GRIA1: variants seen among roughly 807,000 people sequenced by gnomAD.
GRIA1 encodes glutamate ionotropic receptor AMPA type subunit 1.
A neutral mutation model predicts 99.2 loss-of-function variants in GRIA1; 31 were observed. The observed-to-expected ratio is 0.31, with a 90% CI of 0.23 to 0.42. GRIA1 has a LOEUF of 0.42. Among genes scored for constraint, GRIA1 ranks in the 10% least tolerant of loss-of-function variants. The probability of loss-of-function intolerance (pLI) is 1.00; values close to 1 mark genes in which losing one functional copy is unlikely to be tolerated. For synonymous variants in GRIA1, 438 were observed against 432.4 expected (o/e 1.01, Z -0.16); for missense variants, 782 against 1,157.5 (o/e 0.68, Z 4.71).
intron 2 of GRIA1, among the ~76,000 whole-genome samples, chr5:153,601,722 A>G (rs902636217): frequency 6.6e-6 from 1 of 152,232 alleles, no homozygotes; most frequent in Non-Finnish European, 1.5e-5. Flanking sequence ...CACCTTGTTC[A>G]CAGGATGATT....
At chr5:153,494,611 G>A (rs1416832133) in intron 2 of GRIA1, among the ~76,000 whole-genome samples, 1 of 152,112 alleles carries the variant, frequency 6.6e-6, no homozygotes, top group African/African-American at 2.4e-5. Flanking sequence ...GTTGTTTAAG[G>A]CACAGTTTGT....
intron 15 of GRIA1, among the ~76,000 whole-genome samples, chr5:153,810,049 C>T (rs1468342123): frequency 6.6e-6 from 1 of 152,208 alleles, no homozygotes; most frequent in Non-Finnish European, 1.5e-5. Flanking sequence ...CATCAATGGT[C>T]TTTCTCCAAA....
chr5:153,768,131 A>C (rs913398823), intron 12 of GRIA1, among the ~76,000 whole-genome samples: 5 of 152,142 alleles, frequency 3.3e-5, no homozygotes, highest in Admixed American at 6.5e-5. Flanking sequence ...GTCACAGCTG[A>C]ATTTATACAT....
chr5:153,541,255 T>C (rs1759064909), intron 2 of GRIA1, among the ~76,000 whole-genome samples: 1 of 152,212 alleles, frequency 6.6e-6, no homozygotes, highest in South Asian at 2.1e-4. Flanking sequence ...GAGCTTTTCC[T>C]TCTTCTGACC....
At chr5:153,606,347 C>A (rs536849821) in intron 2 of GRIA1, among the ~76,000 whole-genome samples, 7 of 152,162 alleles carry the variant, frequency 4.6e-5, no homozygotes, top group African/African-American at 9.6e-5. Context: ...GAACAGGAAG[C>A]TTTTCCCCTT....
rs1157164959 is a variant in GRIA1, at chr5:153,646,922, T to A, written c.221-6T>A. 6.2e-7 allele frequency: 1 copy of A among 1,613,714 alleles called. No homozygotes were observed. The highest frequency in any genetic ancestry group is 8.5e-7 in the Non-Finnish European group (1 of 1,179,724). ...TCTATTCATTAATCCTTCTCTTCTC[T>A]TGTAGTCTGTTCCCAGTTCTCCAAA... On this transcript the variant is annotated splice_region_variant and splice_polypyrimidine_tract_variant and intron_variant, in intron 2 of 15. Transcript: ENST00000285900.
intron 11 of GRIA1, among the ~76,000 whole-genome samples, chr5:153,758,058 G>A (rs908482919): frequency 7.2e-5 from 11 of 151,976 alleles, no homozygotes; most frequent in African/African-American, 2.7e-4. Flanking sequence ...CACAAAGCAA[G>A]GATTTCTAAT....
intron 2 of GRIA1, among the ~76,000 whole-genome samples, chr5:153,512,092 G>A (rs1756143488): frequency 6.6e-6 from 1 of 152,184 alleles, no homozygotes; most frequent in South Asian, 2.1e-4. Flanking sequence ...AAAGAGGCAG[G>A]TTGCATAGGG....
chr5:153,724,108 C>A (rs759894783), intron 11 of GRIA1, among the ~76,000 whole-genome samples: 2 of 152,192 alleles, frequency 1.3e-5, no homozygotes, highest in Non-Finnish European at 2.9e-5. Context: ...GGTTCTGCAG[C>A]CACCGCTGCT....
chr5:153,506,733 A>C (rs1014790046), intron 2 of GRIA1, among the ~76,000 whole-genome samples: 1 of 152,174 alleles, frequency 6.6e-6, no homozygotes, highest in Non-Finnish European at 1.5e-5. Context: ...GCCCGCATGG[A>C]ATTTAGACTC....
intron 7 of GRIA1, among the ~76,000 whole-genome samples, chr5:153,684,069 A>C (rs539853213): frequency 6.6e-6 from 1 of 152,324 alleles, no homozygotes; most frequent in South Asian, 2.1e-4. Context: ...AGTTACCAGA[A>C]GCTCCAGATT....
intron 5 of GRIA1, among the ~76,000 whole-genome samples, chr5:153,659,145 T>C (rs1347017296): frequency 1.3e-5 from 2 of 152,144 alleles, no homozygotes; most frequent in Non-Finnish European, 2.9e-5. Flanking sequence ...GGAGACCAAA[T>C]ATGTTGCCAA....
intron 13 of GRIA1, among the ~76,000 whole-genome samples, chr5:153,791,861 G>A (rs903356708): frequency 6.6e-5 from 10 of 151,288 alleles, no homozygotes; most frequent in African/African-American, 2.4e-4. Context: ...TTATAGATAC[G>A]TAGGTGATAT....
intron 5 of GRIA1, among the ~76,000 whole-genome samples, chr5:153,671,414 G>T (rs1756164874): frequency 6.6e-6 from 1 of 152,170 alleles, no homozygotes; most frequent in Non-Finnish European, 1.5e-5. Context: ...TTTCAACTGT[G>T]CTCTAGCTTT....
At chr5:153,750,111 T>C (rs1018194517) in intron 11 of GRIA1, among the ~76,000 whole-genome samples, 8 of 152,158 alleles carry the variant, frequency 5.3e-5, no homozygotes, top group Non-Finnish European at 7.4e-5. Context: ...ACAAATGGGA[T>C]GATTTGCCAC....
chr5:153,529,693 T>C (rs982306659), intron 2 of GRIA1, among the ~76,000 whole-genome samples: 17 of 152,156 alleles, frequency 1.1e-4, no homozygotes, highest in African/African-American at 3.9e-4. Context: ...CACTTAGTAA[T>C]GGTTATAAAC....
chr5:153,550,751 G>T (rs1417856975), intron 2 of GRIA1, among the ~76,000 whole-genome samples: 1 of 152,140 alleles, frequency 6.6e-6, no homozygotes, highest in Admixed American at 6.6e-5. Flanking sequence ...GATGTTGTAA[G>T]AATTAACTGA....
At chr5:153,616,742 G>A (rs1766543394) in intron 2 of GRIA1, among the ~76,000 whole-genome samples, 1 of 152,216 alleles carries the variant, frequency 6.6e-6, no homozygotes, top group Non-Finnish European at 1.5e-5. Context: ...TCCAAGAGAG[G>A]AGTGTATTCT....
intron 7 of GRIA1, 22 bp from the exon 8 acceptor site, chr5:153,686,203 A>G: frequency 6.4e-7 from 1 of 1,565,924 alleles, no homozygotes; most frequent in Middle Eastern, 1.7e-4. Context: ...TTCACTGCCC[A>G]CCACTTGGTT....
Sources: gnomAD v4.1 joint callset for allele counts (sites outside exome capture counted in the v4.1 genomes callset) on GRCh38, gnomAD v4.1.1 for gene constraint, MANE v1.5 for transcripts, NCBI Gene and HGNC (gene_info 2026-07-23, HGNC 2026-07-21) for gene names.